The following PRKCA variants were observed in gnomAD, a reference collection of about 807,000 sequenced individuals.
PRKCA encodes the protein protein kinase C alpha type.
PRKCA carries 27 observed loss-of-function variants against 87.0 expected under a neutral mutation model. The ratio of observed to expected loss-of-function variants is 0.31; its 90% CI spans 0.23 to 0.43. PRKCA has a LOEUF of 0.43. Among genes scored for constraint, PRKCA ranks in the 20% least tolerant of loss-of-function variants. The probability of loss-of-function intolerance (pLI) is 1.00; values close to 1 mark genes in which losing one functional copy is unlikely to be tolerated. For synonymous variants in PRKCA, 329 were observed against 311.1 expected, an observed-to-expected ratio of 1.06 and a Z score of -0.61; for missense variants, 518 against 852.3, an observed-to-expected ratio of 0.61 and a Z score of 4.88.
chr17:66,343,389 C>T (rs569709049), intron 2 of PRKCA, among the ~76,000 whole-genome samples: 1 of 152,262 alleles, frequency 6.6e-6, no homozygotes, highest in East Asian at 1.9e-4. Context: ...TGTTATCCAT[C>T]ACTGAATGGC....
At chr17:66,646,891 A>G (rs1303536077) in intron 5 of PRKCA, among the ~76,000 whole-genome samples, 1 of 152,246 alleles carries the variant, frequency 6.6e-6, no homozygotes, top group Non-Finnish European at 1.5e-5. Context: ...TGAAATCCCT[A>G]TCATAGATAC....
chr17:66,614,146 A>G (rs1177853889), intron 3 of PRKCA, among the ~76,000 whole-genome samples: 1 of 152,068 alleles, frequency 6.6e-6, no homozygotes, highest in Non-Finnish European at 1.5e-5. Flanking sequence ...TCCAAATAAT[A>G]TCACTCTCTC....
intron 2 of PRKCA, among the ~76,000 whole-genome samples, chr17:66,434,039 C>A (rs1410901508): frequency 2.0e-5 from 3 of 152,076 alleles, no homozygotes; most frequent in Admixed American, 1.3e-4. Context: ...AGCAGCAGAG[C>A]CAGGATGGAC....
chr17:66,688,477 G>C, intron 7 of PRKCA, 41 bp downstream of exon 7: 9 of 1,609,154 alleles, frequency 5.6e-6, no homozygotes, highest in Non-Finnish European at 6.8e-6. Context: ...CAAAGCATCA[G>C]ACCATTTAGA....
At chr17:66,640,818 T>C in intron 3 of PRKCA, 1 of 368,382 alleles carries the variant, frequency 2.7e-6, no homozygotes, top group South Asian at 2.1e-5. Flanking sequence ...CCGTGGTATG[T>C]GCAAATTTCA....
At chr17:66,396,547 C>T (rs1910676104) in intron 2 of PRKCA, among the ~76,000 whole-genome samples, 2 of 150,580 alleles carry the variant, frequency 1.3e-5, no homozygotes, top group South Asian at 4.2e-4. Flanking sequence ...TGTATTTTCA[C>T]ATTTTCTTAT....
intron 2 of PRKCA, 132 bp downstream of exon 2, chr17:66,306,259 G>A: frequency 1.2e-6 from 1 of 863,580 alleles, no homozygotes; most frequent in South Asian, 1.8e-5. Context: ...TATGAGGGCT[G>A]TAAATTTGGG....
chr17:66,713,128 T>C (rs1333630843), intron 8 of PRKCA, among the ~76,000 whole-genome samples: 4 of 147,618 alleles, frequency 2.7e-5, no homozygotes, highest in East Asian at 2.0e-4. Context: ...CTTGGCTCAT[T>C]GCAACCTCCA....
intron 2 of PRKCA, among the ~76,000 whole-genome samples, chr17:66,438,432 A>G (rs190214564): frequency 1.3e-5 from 2 of 152,280 alleles, no homozygotes; most frequent in East Asian, 1.9e-4. Context: ...TGAACACCCA[A>G]CTGGGCTTTT....
At chr17:66,641,249 C>T (rs1034817983) in intron 3 of PRKCA, 106 bp from the exon 4 acceptor site, 10 of 711,742 alleles carry the variant, frequency 1.4e-5, no homozygotes, top group Admixed American at 1.1e-4. Context: ...CTGGTGTTAT[C>T]GAACCTTGAC....
At chr17:66,487,701 A>G (rs540939455) in intron 2 of PRKCA, among the ~76,000 whole-genome samples, 5 of 152,078 alleles carry the variant, frequency 3.3e-5, no homozygotes, top group Admixed American at 3.3e-4. Context: ...TGTCCTTTTG[A>G]TAATAGCCAT....
Position 66,807,829 on chromosome 17 carries a change from G to T in PRKCA, c.*3792G>T, listed in dbSNP as rs1976067090. 1 of 152,322 alleles carries T rather than the reference G, an allele frequency of 6.6e-6. No individual in the cohort carries two copies. Among genetic ancestry groups the T allele is most frequent in the Non-Finnish European group, 1.5e-5 (1 of 68,152 alleles). The allele number at this position is 152,322 out of a possible 1,614,324, so 9.4% of individuals were successfully genotyped here. A position where few individuals can be genotyped will look rare whatever the true frequency, so the allele number is the denominator to read the frequency against. ...GGACGTGCTGAGAAGGGAGAGGGAG[G>T]CGGGGGCTGTAGTCAGGAAGGAGCC... On this transcript the variant is annotated 3_prime_UTR_variant, in exon 17 of 17. Transcript: ENST00000413366. This position sits in a 1 kb window ranked among gnomAD's most constrained non-coding sequence, Gnocchi z 4.3.
chr17:66,350,464 A>C (rs373947252), intron 2 of PRKCA, among the ~76,000 whole-genome samples: 2 of 152,034 alleles, frequency 1.3e-5, no homozygotes, highest in Non-Finnish European at 2.9e-5. Context: ...AAAATCTAAA[A>C]TTATGTTATT....
chr17:66,666,700 T>G (rs1407707984), intron 5 of PRKCA, among the ~76,000 whole-genome samples: 1 of 152,204 alleles, frequency 6.6e-6, no homozygotes, highest in Non-Finnish European at 1.5e-5. Context: ...CTTCATTCTT[T>G]GCAAAAATGC....
At chr17:66,680,592 A>C (rs971536793) in intron 5 of PRKCA, among the ~76,000 whole-genome samples, 7 of 152,236 alleles carry the variant, frequency 4.6e-5, no homozygotes, top group African/African-American at 1.4e-4. Flanking sequence ...CTGTATAGAC[A>C]TGAACCCTTT....
chr17:66,353,312 C>T (rs530087252), intron 2 of PRKCA, among the ~76,000 whole-genome samples: 8 of 152,260 alleles, frequency 5.3e-5, no homozygotes, highest in South Asian at 2.1e-4. Context: ...TGGTAACCTT[C>T]TATTTGGGCT....
rs1188588982 is a variant in PRKCA at position 66,802,373 on chromosome 17, T to G, written c.1855-1500T>G. On this transcript the variant is annotated intron_variant, in intron 16 of 16. Transcript: ENST00000413366. ...GTGGGAAAAGGGTAATGAAAGTAGC[T>G]TCGTCGCTGGGCGTGGTGGCTCATG... is the stretch of plus-strand genomic sequence containing the variant. Among the ~76,000 whole-genome samples the G allele has an allele frequency of 3.3e-5, 5 of 152,086 alleles. No homozygotes were observed. In the East Asian group the frequency reaches 9.7e-4, roughly 30 times the overall value.
intron 3 of PRKCA, among the ~76,000 whole-genome samples, chr17:66,560,848 G>A (rs575254274): frequency 2.0e-3 from 308 of 152,262 alleles, no homozygotes; most frequent in South Asian, 4.4e-3. Context: ...TCTGGCTGAC[G>A]GGGCTCTGAG....
Position 66,341,020 on chromosome 17 carries a change from C to A in PRKCA, c.205+34893C>A, listed in dbSNP as rs552317464. On this transcript the variant is annotated intron_variant, in intron 2 of 16. Transcript: ENST00000413366. ...TGCAAGCATGACAGATTGATTATTA[C>A]GGATCTGAAAAATCACTTGCATGGG... Among the ~76,000 whole-genome samples the A allele has an allele frequency of 2.0e-5, 3 of 152,238 alleles. No homozygotes were observed. In the South Asian group the frequency reaches 6.2e-4, roughly 32 times the overall value.
Sources: gnomAD v4.1 joint callset for allele counts (sites outside exome capture counted in the v4.1 genomes callset) on GRCh38, gnomAD v4.1.1 for gene constraint, Gnocchi (gnomAD v3.1) non-coding constraint, MANE v1.5 for transcripts, NCBI Gene and HGNC (gene_info 2026-07-23, HGNC 2026-07-21) for gene names.